Variants in DST observed in about 807,000 individuals in gnomAD.
DST encodes bullous pemphigoid antigen.
Under a neutral mutation model 875.2 loss-of-function variants are expected in DST, and 253 were observed. The ratio of observed to expected loss-of-function variants is 0.29; its 90% CI spans 0.26 to 0.32. The LOEUF is 0.32. Ranked by LOEUF, DST falls within the 10% of genes least tolerant of loss-of-function variation. The pLI, the probability that DST is intolerant of heterozygous loss-of-function variation, is 1.00. For missense variants in DST, 8,287 were observed against 9,111.6 expected, an observed-to-expected ratio of 0.91 and a Z score of 3.68; for synonymous variants, 3,124 against 3,197.1, an observed-to-expected ratio of 0.98 and a Z score of 0.77.
chr6:56,928,335 T>G (rs1808300011), intron 2 of DST, among the ~76,000 whole-genome samples: 1 of 152,064 alleles, frequency 6.6e-6, no homozygotes, highest in East Asian at 1.9e-4. Context: ...CCCCCTCCAG[T>G]GCCCCCTATT....
chr6:56,675,800 TGA>T (rs2099125993), intron 9 of DST, among the ~76,000 whole-genome samples: 1 of 152,094 alleles, frequency 6.6e-6, no homozygotes, highest in African/African-American at 2.4e-5. Context: ...TGCAGTGAGC[TGA>T]GATTGCACCA....
chr6:56,880,837 CTTTTTTTTT>C (rs765843469), intron 3 of DST, among the ~76,000 whole-genome samples: 1 of 58,064 alleles, frequency 1.7e-5, no homozygotes, highest in South Asian at 1.2e-3. Context: ...TACTGTCTTT[CTTTTTTTTT>C]TTTTTTTTTT....
At chr6:56,527,290 C>T (rs1478139135) in intron 68 of DST, among the ~76,000 whole-genome samples, 2 of 151,986 alleles carry the variant, frequency 1.3e-5, no homozygotes, top group East Asian at 3.9e-4. Context: ...AAGACTCTTG[C>T]AACAATTATA....
chr6:56,924,945 T>C (rs1055549522), intron 2 of DST, among the ~76,000 whole-genome samples: 3 of 152,192 alleles, frequency 2.0e-5, no homozygotes, highest in African/African-American at 7.2e-5. Flanking sequence ...CACTTTCCTG[T>C]GCTATGGAAA....
chr6:56,504,151 A>G, intron 77 of DST, 53 bp from the exon 78 acceptor site: 1 of 1,170,108 alleles, frequency 8.5e-7, no homozygotes, highest in Non-Finnish European at 1.2e-6. Context: ...TGAAATTGCT[A>G]CAGTATTTCA....
At chr6:56,924,626 T>C (rs755758586) in intron 2 of DST, among the ~76,000 whole-genome samples, 11 of 152,138 alleles carry the variant, frequency 7.2e-5, no homozygotes, top group Admixed American at 2.0e-4. Context: ...TATTCTCTTA[T>C]GGTGAAGGAA....
At position 56,829,370 on chromosome 6, in the gene DST, A is replaced by C. The variant is rs888210698; in HGVS notation, c.625+22027T>G. On this transcript the variant is annotated intron_variant, in intron 4 of 103. Coordinates refer to ENST00000680361, the MANE Select transcript of DST (RefSeq NM_001374736.1). ...CTTTTAAAAGTGTGAGTTTCTTCCA[A>C]AGTTTGACTTGGCAATGTTACAGAT... 3.9e-5 allele frequency among the ~76,000 whole-genome samples: 6 copies of C among 152,232 alleles called. No homozygotes were observed. The South Asian group carries it at 1.2e-3, about 32-fold the overall frequency.
At chr6:56,925,153 T>C (rs184281316) in intron 2 of DST, among the ~76,000 whole-genome samples, 1 of 152,274 alleles carries the variant, frequency 6.6e-6, no homozygotes, top group African/African-American at 2.4e-5. Flanking sequence ...TTTAATAAGA[T>C]AGGAGGAAGA....
chr6:56,584,231 A>C (rs988322728), intron 49 of DST, among the ~76,000 whole-genome samples: 2 of 151,728 alleles, frequency 1.3e-5, no homozygotes, highest in African/African-American at 4.9e-5. Context: ...ATGAGCATGG[A>C]ATGTTCTTCC....
At chr6:56,802,942 C>T (rs1227771696) in intron 4 of DST, among the ~76,000 whole-genome samples, 1 of 152,142 alleles carries the variant, frequency 6.6e-6, no homozygotes. Flanking sequence ...GCCCAGAACA[C>T]AGAAAGAATA....
chr6:56,720,506 C>T (rs1459246104), intron 5 of DST, among the ~76,000 whole-genome samples: 1 of 152,134 alleles, frequency 6.6e-6, no homozygotes, highest in African/African-American at 2.4e-5. Flanking sequence ...CTGCGGCCTT[C>T]TGCAGTGTTT....
intron 4 of DST, among the ~76,000 whole-genome samples, chr6:56,791,168 T>C (rs1031549562): frequency 1.3e-5 from 2 of 152,204 alleles, no homozygotes; most frequent in Admixed American, 1.3e-4. Flanking sequence ...AATTAATCTC[T>C]GTACTTTGAA....
At chr6:56,621,590 A>C (rs543205846) in intron 36 of DST, among the ~76,000 whole-genome samples, 179 of 152,328 alleles carry the variant, frequency 1.2e-3, no homozygotes, top group African/African-American at 4.0e-3. Context: ...ATTCAGCTCC[A>C]ATGTATAGAA....
At chr6:56,471,847 T>C (rs185439781) in intron 94 of DST, 62 of 592,486 alleles carry the variant, frequency 1.0e-4, no homozygotes, top group African/African-American at 1.0e-3. Context: ...TTTTACTTCA[T>C]TGATTCCCTA....
chr6:56,925,134 T>G (rs994008131), intron 2 of DST, among the ~76,000 whole-genome samples: 1 of 146,472 alleles, frequency 6.8e-6, no homozygotes, highest in African/African-American at 2.4e-5. Flanking sequence ...AATAAAAGTA[T>G]TTCTTTAATT....
intron 77 of DST, among the ~76,000 whole-genome samples, chr6:56,506,241 T>C (rs1245376475): frequency 6.6e-6 from 1 of 152,142 alleles, no homozygotes; most frequent in Non-Finnish European, 1.5e-5. Context: ...TAGATGTGTA[T>C]ATAAATCTAC....
At chr6:56,871,396 G>T (rs1212521193) in intron 3 of DST, 5 of 1,410,818 alleles carry the variant, frequency 3.5e-6, no homozygotes, top group Non-Finnish European at 5.0e-6. Context: ...GGAGTTGGCA[G>T]GTGTGCCCAG....
chr6:56,806,183 C>A (rs1292315626), intron 4 of DST, among the ~76,000 whole-genome samples: 1 of 152,168 alleles, frequency 6.6e-6, no homozygotes, highest in Non-Finnish European at 1.5e-5. Context: ...CATTTTCTCC[C>A]CCACTTTCCC....
chr6:56,527,980 G>A (rs550183913), intron 67 of DST, among the ~76,000 whole-genome samples: 6 of 152,196 alleles, frequency 3.9e-5, no homozygotes, highest in Non-Finnish European at 8.8e-5. Flanking sequence ...TAGCTATGTG[G>A]AAAGCAGTAC....
Sources: gnomAD v4.1 joint callset for allele counts (sites outside exome capture counted in the v4.1 genomes callset) on GRCh38, gnomAD v4.1.1 for gene constraint, MANE v1.5 for transcripts, NCBI Gene and HGNC (gene_info 2026-07-23, HGNC 2026-07-21) for gene names.